Variants in TMEM247 observed in about 807,000 individuals in gnomAD.
TMEM247 encodes the protein transmembrane protein 247, also known as transmembrane protein ENSP00000343375.
A neutral mutation model predicts 20.7 loss-of-function variants in TMEM247; 23 were observed. That is an observed-to-expected ratio of 1.11 (90% CI 0.80 to 1.57). The LOEUF is 1.57. TMEM247 is among the 40% of genes most tolerant of loss of function. TMEM247 has a pLI of 0.00. For missense variants in TMEM247, 354 were observed against 283.8 expected, an observed-to-expected ratio of 1.25 and a Z score of -1.78; for synonymous variants, 106 against 111.9, an observed-to-expected ratio of 0.95 and a Z score of 0.33.
chr2:46,483,385 A>G (rs1215151788), intron 2 of TMEM247, among the ~76,000 whole-genome samples: 1 of 152,206 alleles, frequency 6.6e-6, no homozygotes, highest in East Asian at 1.9e-4. Context: ...ATCTCTCAGC[A>G]CCTGCCTCCA....
chr2:46,481,905 T>C (rs543341616), intron 2 of TMEM247, among the ~76,000 whole-genome samples: 6 of 152,218 alleles, frequency 3.9e-5, no homozygotes, highest in Non-Finnish European at 8.8e-5. Context: ...TCTGTATAGG[T>C]TGGCAATGTT....
chr2:46,480,483 G>C (rs1686858377), exon 2 of TMEM247: 1 of 1,551,568 alleles, frequency 6.4e-7, no homozygotes, highest in Admixed American at 2.0e-5. Context: ...AGGCTGCCAA[G>C]GGCCGCTTAA....
At chr2:46,480,896 G>C in intron 2 of TMEM247, 132 bp downstream of exon 2, 1 of 1,277,958 alleles carries the variant, frequency 7.8e-7, no homozygotes, top group Non-Finnish European at 1.0e-6. Context: ...TCGGCTGAAA[G>C]GGGCTGAGCA....
chr2:46,482,579 A>G (rs532567621), intron 2 of TMEM247, among the ~76,000 whole-genome samples: 4 of 152,338 alleles, frequency 2.6e-5, no homozygotes, highest in Admixed American at 2.6e-4. Flanking sequence ...CATTGAAAGT[A>G]TTTTGAAAAG....
chr2:46,480,271 G>C, intron 1 of TMEM247, 134 bp from the exon 2 acceptor site: 7 of 1,066,316 alleles, frequency 6.6e-6, no homozygotes, highest in African/African-American at 1.6e-5. Context: ...CTTCTAATAA[G>C]AATTCAGCCT....
In TMEM247 at chr2:46,484,231, C is replaced by T; in HGVS notation, c.478-13C>T. 6.5e-7 allele frequency: 1 copy of T among 1,545,150 alleles called. No individual in the cohort carries two copies. The highest frequency in any genetic ancestry group is 2.4e-5 in the East Asian group (1 of 40,886). Reference sequence around the variant, plus strand: ...ATGGCATCATCATCTCCACTGTCTTCTCTCCCCCACAGTTTTCAGGAGGCC... The same window carrying T: ...ATGGCATCATCATCTCCACTGTCTTTTCTCCCCCACAGTTTTCAGGAGGCC... On this transcript the variant is annotated splice_polypyrimidine_tract_variant and intron_variant, in intron 2 of 2. Transcript: ENST00000434431.
intron 2 of TMEM247, among the ~76,000 whole-genome samples, chr2:46,483,643 A>G (rs1686932745): frequency 6.6e-6 from 1 of 152,194 alleles, no homozygotes; most frequent in Non-Finnish European, 1.5e-5. Context: ...TACAGACCAT[A>G]AAGAGAAAGG....
chr2:46,482,383 A>G (rs2103783984), intron 2 of TMEM247, among the ~76,000 whole-genome samples: 1 of 152,376 alleles, frequency 6.6e-6, no homozygotes, highest in South Asian at 2.1e-4. Flanking sequence ...AATCTGTCAC[A>G]AAGTGGAACC....
At chr2:46,483,766 T>A (rs1051879643) in intron 2 of TMEM247, among the ~76,000 whole-genome samples, 1 of 152,180 alleles carries the variant, frequency 6.6e-6, no homozygotes, top group Non-Finnish European at 1.5e-5. Flanking sequence ...ATTATCTCAC[T>A]TTTCCTCCTT....
chr2:46,481,356 TG>T (rs1201955610), intron 2 of TMEM247, among the ~76,000 whole-genome samples: 1 of 152,190 alleles, frequency 6.6e-6, no homozygotes, highest in African/African-American at 2.4e-5. Flanking sequence ...CTGTATTAAA[TG>T]GGGGATAAGA....
intron 2 of TMEM247, among the ~76,000 whole-genome samples, chr2:46,482,631 A>G (rs1686911731): frequency 6.6e-6 from 1 of 152,246 alleles, no homozygotes; most frequent in South Asian, 2.1e-4. Flanking sequence ...AATGAAAGTC[A>G]TAATGATCAC....
chr2:46,479,755 A>C, intron 1 of TMEM247, 53 bp downstream of exon 1: 2 of 1,261,038 alleles, frequency 1.6e-6, no homozygotes, highest in South Asian at 2.6e-5. Context: ...AGGGGGAGCA[A>C]GAATACTGTA....
chr2:46,480,837 G>A lies in TMEM247; in HGVS notation c.477+73G>A, dbSNP rs146406221. ...AAGTCCCATGGGGCCTGGAGCAGGC[G>A]CCCACCTTCCCTGCTTTGCGCGGCA... is the stretch of plus-strand genomic sequence containing the variant. On this transcript the variant is annotated intron_variant, in intron 2 of 2. Coordinates refer to ENST00000434431, the Ensembl canonical transcript of TMEM247. 1.4e-4 allele frequency: 198 copies of A among 1,458,646 alleles called. No individual in the cohort carries two copies. In the African/African-American group the frequency reaches 2.5e-3, roughly 19 times the overall value. The allele number at this position is 1,458,646 out of a possible 1,614,324, so 90.4% of individuals were successfully genotyped here.
At chr2:46,483,366 C>G (rs1190349799) in intron 2 of TMEM247, among the ~76,000 whole-genome samples, 3 of 152,220 alleles carry the variant, frequency 2.0e-5, no homozygotes, top group African/African-American at 7.2e-5. Context: ...TAGGGAGACC[C>G]CATCACCTAT....
At position 46,480,167 on chromosome 2, in the gene TMEM247, C is replaced by T. The variant is rs80245817; in HGVS notation, c.118-238C>T. On this transcript the variant is annotated intron_variant, in intron 1 of 2. Transcript: ENST00000434431. ...AAATGGACATCAATCTACTCAACTC[C>T]CAGTGCCTCCACTTGCAACTTTAGG... 3.7e-4 allele frequency among the ~76,000 whole-genome samples: 56 copies of T among 152,012 alleles called. No homozygotes were observed. In the East Asian group the frequency reaches 0.01, roughly 27 times the overall value.
chr2:46,479,844 C>A, intron 1 of TMEM247, 142 bp downstream of exon 1: 1 of 644,206 alleles, frequency 1.6e-6, no homozygotes, highest in Non-Finnish European at 2.8e-6. Context: ...CTGGCACCAG[C>A]TGTCACCAGG....
At chr2:46,480,436 A>C in exon 2 of TMEM247, 1 of 1,550,958 alleles carries the variant, frequency 6.4e-7, no homozygotes, top group Non-Finnish European at 8.7e-7. Context: ...GACTCCTCCT[A>C]TGACTACTTG....
chr2:46,480,378 C>A, intron 1 of TMEM247, 27 bp from the exon 2 acceptor site: 1 of 1,511,566 alleles, frequency 6.6e-7, no homozygotes, highest in Non-Finnish European at 8.9e-7. Context: ...TTCAAGGTAC[C>A]TCCCCTCCCT....
Position 46,484,266 on chromosome 2 carries a change from TC to T in TMEM247, c.502del (p.Leu168CysfsTer46). 6.4e-7 allele frequency: 1 copy of T among 1,551,210 alleles called. No individual in the cohort carries two copies. The highest frequency in any genetic ancestry group is 8.7e-7 in the Non-Finnish European group (1 of 1,146,716). On this transcript the variant is annotated frameshift_variant, in exon 3 of 3. Transcript: ENST00000434431. LOFTEE classifies it high-confidence loss of function. ...CAGTTTTCAGGAGGCCTCCAGAACTTCCTGCTGCCCCAGAACCAGTTTGCCA... is the reference window on the plus strand; with the variant it reads ...CAGTTTTCAGGAGGCCTCCAGAACTTCTGCTGCCCCAGAACCAGTTTGCCA...
Sources: allele counts gnomAD v4.1 joint callset (sites outside exome capture counted in the v4.1 genomes callset), GRCh38; gene constraint gnomAD v4.1.1; transcripts MANE v1.5; gene names NCBI Gene and HGNC (gene_info 2026-07-23, HGNC 2026-07-21).